Variants in PHF20 observed in about 807,000 individuals in gnomAD.
PHF20 encodes the protein glioma-expressed antigen 2.
Under a neutral mutation model 113.5 loss-of-function variants are expected in PHF20, and 23 were observed. The ratio of observed to expected loss-of-function variants is 0.20; its 90% CI spans 0.15 to 0.29. The LOEUF (loss-of-function observed/expected upper bound fraction) is 0.29, where lower values mean the gene tolerates loss of function less well. PHF20 is among the 10% of genes least tolerant of loss of function. PHF20 has a pLI of 1.00. For synonymous variants in PHF20, 434 were observed against 457.3 expected, an observed-to-expected ratio of 0.95 and a Z score of 0.65; for missense variants, 943 against 1,219.6, an observed-to-expected ratio of 0.77 and a Z score of 3.38.
chr20:35,933,399 A>AT (rs760196869), intron 15 of PHF20, among the ~76,000 whole-genome samples: 226 of 118,634 alleles, frequency 1.9e-3, no homozygotes, highest in Middle Eastern at 4.9e-3. Flanking sequence ...CACCTGGATA[A>AT]TTTTTTTTTT....
chr20:35,855,912 C>G (rs2042818589), intron 4 of PHF20, among the ~76,000 whole-genome samples: 1 of 152,108 alleles, frequency 6.6e-6, no homozygotes, highest in Non-Finnish European at 1.5e-5. Flanking sequence ...CTCCTGACCT[C>G]AAGTGATTCA....
chr20:35,925,284 G>C (rs1190767369), intron 13 of PHF20, among the ~76,000 whole-genome samples: 3 of 147,394 alleles, frequency 2.0e-5, no homozygotes, highest in Non-Finnish European at 4.5e-5. Flanking sequence ...TTCTGATATG[G>C]AATCTCGCTC....
chr20:35,808,762 C>T (rs1048469393), intron 2 of PHF20, among the ~76,000 whole-genome samples: 5 of 151,226 alleles, frequency 3.3e-5, no homozygotes, highest in Admixed American at 2.6e-4. Context: ...TTAGTAGAGA[C>T]GGGGCTTCAC....
intron 1 of PHF20, among the ~76,000 whole-genome samples, chr20:35,784,361 T>G (rs1264431291): frequency 6.6e-6 from 1 of 151,586 alleles, no homozygotes; most frequent in Non-Finnish European, 1.5e-5. Flanking sequence ...CACATTTTTT[T>G]TCCCCTCATT....
chr20:35,777,923 T>C (rs572686375), intron 1 of PHF20, among the ~76,000 whole-genome samples: 3 of 152,246 alleles, frequency 2.0e-5, no homozygotes, highest in South Asian at 4.1e-4. Flanking sequence ...CAACAGTTCT[T>C]TGAGAGCACC....
intron 17 of PHF20, among the ~76,000 whole-genome samples, chr20:35,944,227 T>C (rs938229954): frequency 1.2e-4 from 18 of 152,190 alleles, no homozygotes; most frequent in African/African-American, 4.1e-4. Context: ...TGCTGTTGAC[T>C]TCCCACAGTC....
At chr20:35,776,709 A>G (rs2041182550) in intron 1 of PHF20, among the ~76,000 whole-genome samples, 1 of 152,144 alleles carries the variant, frequency 6.6e-6, no homozygotes, top group South Asian at 2.1e-4. Flanking sequence ...TCCAACCCCT[A>G]TTCCTCACAT....
At chr20:35,786,868 C>T (rs1029566686) in intron 1 of PHF20, among the ~76,000 whole-genome samples, 6 of 152,098 alleles carry the variant, frequency 3.9e-5, no homozygotes, top group South Asian at 4.1e-4. Context: ...TTCCTCTGCA[C>T]GCAAGGAGTA....
In PHF20 at chr20:35,913,179, TAGG is replaced by T; in HGVS notation, c.1562-67_1562-65del. 6 of 1,117,728 alleles carry T rather than the reference TAGG, an allele frequency of 5.4e-6. No individual in the cohort carries two copies. In the South Asian group the frequency reaches 7.7e-5, roughly 14 times the overall value. The allele number at this position is 1,117,728 out of a possible 1,614,324, so 69.2% of individuals were successfully genotyped here. A position where few individuals can be genotyped will look rare whatever the true frequency, so the allele number is the denominator to read the frequency against. ...GCCAGACCCATCGGACATGCTTGCT[TAGG>T]AGAAGAATAAGCACCCCAGCATTGA... is the stretch of plus-strand genomic sequence containing the variant. On this transcript the variant is annotated intron_variant, in intron 10 of 17. Transcript: ENST00000374012.
chr20:35,937,938 C>A (rs1282834223), intron 15 of PHF20, among the ~76,000 whole-genome samples: 1 of 152,048 alleles, frequency 6.6e-6, no homozygotes, highest in Non-Finnish European at 1.5e-5. Flanking sequence ...GTGGCGCAAT[C>A]TTGGCTCACT....
chr20:35,936,080 A>G (rs2055858928), intron 15 of PHF20, among the ~76,000 whole-genome samples: 1 of 152,192 alleles, frequency 6.6e-6, no homozygotes, highest in Admixed American at 6.5e-5. Flanking sequence ...TTCAGATCGC[A>G]GTTGGAAGGA....
At chr20:35,846,443 T>C (rs1027785584) in intron 3 of PHF20, among the ~76,000 whole-genome samples, 27 of 152,160 alleles carry the variant, frequency 1.8e-4, no homozygotes, top group Non-Finnish European at 1.0e-4. Context: ...GGATTACAGG[T>C]GTGAGCCACT....
chr20:35,885,692 A>G (rs2054717633), intron 9 of PHF20, among the ~76,000 whole-genome samples: 1 of 151,906 alleles, frequency 6.6e-6, no homozygotes, highest in African/African-American at 2.4e-5. Flanking sequence ...AAGCACATGA[A>G]AACCTGTTTG....
chr20:35,818,412 C>T (rs2042113080), intron 2 of PHF20, among the ~76,000 whole-genome samples: 1 of 152,302 alleles, frequency 6.6e-6, no homozygotes, highest in Non-Finnish European at 1.5e-5. Flanking sequence ...AGGCATGTGC[C>T]GCCACCCTTG....
At chr20:35,914,894 G>A (rs1474290569) in intron 12 of PHF20, among the ~76,000 whole-genome samples, 2 of 149,430 alleles carry the variant, frequency 1.3e-5, no homozygotes, top group Admixed American at 1.3e-4. Flanking sequence ...AATCTGGGAG[G>A]CAGAGGTTGC....
rs201922369 is a variant in PHF20 at position 35,852,333 on chromosome 20, G to T, written c.340+4899G>T. Among the ~76,000 whole-genome samples the T allele has an allele frequency of 3.3e-5, 5 of 152,260 alleles. No individual in the cohort carries two copies. In the East Asian group the frequency reaches 9.6e-4, roughly 29 times the overall value. ...GTCTGCACTTTCTGGAGCCGGTGTT[G>T]TCTTGAGAACCATGGTTGGGAGACA... On this transcript the variant is annotated intron_variant, in intron 4 of 17. Coordinates refer to ENST00000374012, the MANE Select transcript of PHF20 (RefSeq NM_016436.5).
At chr20:35,829,062 T>A (rs2042312399) in intron 2 of PHF20, among the ~76,000 whole-genome samples, 1 of 152,120 alleles carries the variant, frequency 6.6e-6, no homozygotes, top group African/African-American at 2.4e-5. Context: ...GCTGGCAAGT[T>A]GGTGCTGGTT....
At chr20:35,907,986 A>G (rs1439365687) in intron 10 of PHF20, among the ~76,000 whole-genome samples, 2 of 152,270 alleles carry the variant, frequency 1.3e-5, no homozygotes, top group African/African-American at 4.8e-5. Flanking sequence ...CATATTAGGC[A>G]TCTATAATGC....
At chr20:35,917,462 G>C in intron 12 of PHF20, 22 bp from the exon 13 acceptor site, 1 of 1,602,078 alleles carries the variant, frequency 6.2e-7, no homozygotes, top group Non-Finnish European at 8.5e-7. Context: ...AATAGTAACT[G>C]TTGTTTTCCC....
Sources: allele counts gnomAD v4.1 joint callset (sites outside exome capture counted in the v4.1 genomes callset), GRCh38; gene constraint gnomAD v4.1.1; transcripts MANE v1.5; gene names NCBI Gene and HGNC (gene_info 2026-07-23, HGNC 2026-07-21).